CCDC3: variants seen among roughly 807,000 people sequenced by gnomAD.
CCDC3 encodes the protein coiled-coil domain-containing protein 3.
CCDC3 carries 24 observed loss-of-function variants against 21.4 expected under a neutral mutation model. The ratio of observed to expected loss-of-function variants is 1.12; its 90% CI spans 0.81 to 1.58. CCDC3 has a LOEUF of 1.58. Among genes scored for constraint, CCDC3 ranks in the 40% most tolerant of loss-of-function variants. The pLI is 0.00. For missense variants in CCDC3, 425 were observed against 360.9 expected (o/e 1.18, Z -1.44); for synonymous variants, 186 against 166.0 (o/e 1.12, Z -0.93).
intron 5 of CCDC3, among the ~76,000 whole-genome samples, chr10:13,039,137 A>G (rs2131416812): frequency 6.6e-6 from 1 of 152,262 alleles, no homozygotes; most frequent in South Asian, 2.1e-4. Flanking sequence ...TCTTTAGGAA[A>G]AGTACTTCGA....
intron 3 of CCDC3, among the ~76,000 whole-genome samples, chr10:13,076,684 T>TGCCTGTGAGCATGTCCCA (rs1836968696): frequency 1.3e-5 from 2 of 152,232 alleles, no homozygotes; most frequent in South Asian, 4.1e-4. Flanking sequence ...GTGCTGGACA[T>TGCCTGTGAGCATGTCCCA]GCTCACAGAC....
In CCDC3 at chr10:12,998,494, G is replaced by A. The variant is rs1254316041; in HGVS notation, c.393C>T (p.Asn131=). The A allele has an allele frequency of 3.7e-6, 6 of 1,614,072 alleles. No individual in the cohort carries two copies. The highest frequency in any genetic ancestry group is 5.1e-6 in the Non-Finnish European group (6 of 1,180,002). ...FFFLRMDENY[N]LLPHGVNFQD... The stretch of plus-strand genomic sequence containing the variant: ...GGAAATTGACTCCGTGAGGCAAGAG[G>A]TTATAATTTTCATCCATCCTAATGG... Residue 131 remains asparagine (N), a synonymous_variant, in exon 2 of 3, where the codon AAC becomes AAT. Transcript: ENST00000378825.
chr10:12,942,456 C>G (rs1308864798), intron 2 of CCDC3, among the ~76,000 whole-genome samples: 1 of 152,158 alleles, frequency 6.6e-6, no homozygotes, highest in Non-Finnish European at 1.5e-5. Flanking sequence ...AATGAAGCTA[C>G]AGACATAGAA....
At chr10:13,097,544 C>T (rs767309748) in intron 3 of CCDC3, among the ~76,000 whole-genome samples, 10 of 152,024 alleles carry the variant, frequency 6.6e-5, no homozygotes, top group Non-Finnish European at 1.3e-4. Context: ...GTCAACATGG[C>T]GAAACCTCAT....
At chr10:13,026,275 C>T (rs1354622339) in intron 5 of CCDC3, among the ~76,000 whole-genome samples, 1 of 152,154 alleles carries the variant, frequency 6.6e-6, no homozygotes, top group African/African-American at 2.4e-5. Context: ...TAACTAGGCG[C>T]TGATAATTAG....
intron 2 of CCDC3, among the ~76,000 whole-genome samples, chr10:12,952,243 C>T (rs2131249295): frequency 6.6e-6 from 1 of 152,262 alleles, no homozygotes; most frequent in African/African-American, 2.4e-5. Context: ...ACTGCTCCAT[C>T]CTCAGTTCTT....
intron 3 of CCDC3, among the ~76,000 whole-genome samples, chr10:13,093,455 A>G (rs1190033644): frequency 6.6e-6 from 1 of 152,260 alleles, no homozygotes; most frequent in African/African-American, 2.4e-5. Context: ...GGGTGGGGAC[A>G]CAGCCAAACC....
chr10:13,058,749 TA>T (rs1308709508), intron 4 of CCDC3: 3 of 230,220 alleles, frequency 1.3e-5, no homozygotes, highest in African/African-American at 6.9e-5. Context: ...TAAAGAAAAG[TA>T]AATATGTATG....
At chr10:12,930,886 G>A (rs1834628644) in intron 2 of CCDC3, among the ~76,000 whole-genome samples, 1 of 152,134 alleles carries the variant, frequency 6.6e-6, no homozygotes, top group Non-Finnish European at 1.5e-5. Flanking sequence ...CCCAGGCTCT[G>A]GTCCAAACTT....
intron 2 of CCDC3, among the ~76,000 whole-genome samples, chr10:12,986,355 A>G (rs1414709223): frequency 6.6e-6 from 1 of 152,226 alleles, no homozygotes; most frequent in East Asian, 1.9e-4. Flanking sequence ...ATATTGCACT[A>G]CAGTTATACA....
chr10:12,958,929 T>C (rs533970477), intron 2 of CCDC3, among the ~76,000 whole-genome samples: 3 of 152,158 alleles, frequency 2.0e-5, no homozygotes, highest in Admixed American at 6.5e-5. Context: ...GCAGTTCTAA[T>C]TGGCCAGTCC....
intron 5 of CCDC3, among the ~76,000 whole-genome samples, chr10:13,037,062 G>A (rs1340844831): frequency 2.0e-5 from 3 of 152,220 alleles, no homozygotes; most frequent in South Asian, 2.1e-4. Flanking sequence ...CAGGATTATA[G>A]GCATGAGTCA....
intron 2 of CCDC3, among the ~76,000 whole-genome samples, chr10:12,949,648 GA>G (rs1834979842): frequency 6.6e-6 from 1 of 152,182 alleles, no homozygotes; most frequent in Non-Finnish European, 1.5e-5. Flanking sequence ...TGCTTGCTGA[GA>G]AAAAAATTAT....
intron 2 of CCDC3, among the ~76,000 whole-genome samples, chr10:12,939,326 A>G (rs762122108): frequency 1.2e-4 from 18 of 152,152 alleles, no homozygotes; most frequent in Non-Finnish European, 2.5e-4. Context: ...CTTTCTTTAT[A>G]TTTTATAATA....
intron 4 of CCDC3, among the ~76,000 whole-genome samples, chr10:13,055,345 T>G (rs1441473126): frequency 1.3e-5 from 2 of 151,952 alleles, no homozygotes; most frequent in African/African-American, 4.8e-5. Flanking sequence ...TCTTTTTTTT[T>G]TTTGTAGACA....
rs191929984 is a variant in CCDC3, at chr10:13,069,204, G to A, written c.-270+4664C>T. ...CGGGAGGCAGAGGTTGCGGTGAGCC[G>A]AGATTGTGCCATTGCACTCCAGCCT... On this transcript the variant is annotated intron_variant, in intron 4 of 6. Transcript: ENST00000378839. 3.3e-3 allele frequency among the ~76,000 whole-genome samples: 497 copies of A among 152,306 alleles called. 3 individuals are homozygous for A. The highest frequency in any genetic ancestry group is 0.011 in the African/African-American group (477 of 41,568).
intron 3 of CCDC3, among the ~76,000 whole-genome samples, chr10:13,079,601 G>T (rs964944306): frequency 5.9e-5 from 9 of 152,132 alleles, no homozygotes; most frequent in African/African-American, 2.2e-4. Flanking sequence ...GAGAATGGGG[G>T]TGGCGGTGAA....
In CCDC3 at chr10:13,025,839, G is replaced by C. The variant is rs1329797303; in HGVS notation, c.-2+23835C>G. Among the ~76,000 whole-genome samples, 4 of 152,294 alleles carry C rather than the reference G, an allele frequency of 2.6e-5. No individual in the cohort carries two copies. The East Asian group carries it at 7.7e-4, about 29-fold the overall frequency. ...ACGTTGCTGGTCCCTGGAAATAAGA[G>C]CATCATAATAGCACCAAATATCATC... On this transcript the variant is annotated intron_variant, in intron 5 of 6. Transcript: ENST00000378839.
chr10:12,960,516 C>A (rs1835165150), intron 2 of CCDC3, among the ~76,000 whole-genome samples: 1 of 152,162 alleles, frequency 6.6e-6, no homozygotes, highest in East Asian at 1.9e-4. Context: ...AGGTGACATT[C>A]CAGCCCTGAG....
Sources: allele counts gnomAD v4.1 joint callset (sites outside exome capture counted in the v4.1 genomes callset), GRCh38; gene constraint gnomAD v4.1.1; transcripts MANE v1.5; gene names NCBI Gene and HGNC (gene_info 2026-07-23, HGNC 2026-07-21).